NCOR2: variants seen among roughly 807,000 people sequenced by gnomAD.
NCOR2 encodes the protein CTG repeat protein 26.
Under a neutral mutation model 262.9 loss-of-function variants are expected in NCOR2, and 81 were observed. That is an observed-to-expected ratio of 0.31 (90% CI 0.26 to 0.37). NCOR2 has a LOEUF of 0.37. Ranked by LOEUF, NCOR2 falls within the 10% of genes least tolerant of loss-of-function variation. The probability of loss-of-function intolerance (pLI) is 1.00; values close to 1 mark genes in which losing one functional copy is unlikely to be tolerated. For missense variants in NCOR2, 3,385 were observed against 3,621.4 expected, an observed-to-expected ratio of 0.93 and a Z score of 1.68; for synonymous variants, 1,659 against 1,559.3, an observed-to-expected ratio of 1.06 and a Z score of -1.51.
intron 20 of NCOR2, among the ~76,000 whole-genome samples, chr12:124,371,333 GT>G (rs1167375545): frequency 3.9e-5 from 6 of 152,082 alleles, no homozygotes; most frequent in Non-Finnish European, 7.4e-5. Flanking sequence ...GTAGAACTGT[GT>G]CCCCCCAGAG....
intron 26 of NCOR2, 23 bp downstream of exon 28, chr12:124,354,455 G>A: frequency 6.7e-7 from 1 of 1,483,092 alleles, no homozygotes; most frequent in South Asian, 1.3e-5. Context: ...GATGCTGGGG[G>A]CCCAGGGCAG....
chr12:124,390,263 C>T (rs1268035026), intron 16 of NCOR2, among the ~76,000 whole-genome samples: 2 of 152,188 alleles, frequency 1.3e-5, no homozygotes, highest in African/African-American at 4.8e-5. Context: ...GAATAAAATC[C>T]AAAGGCCCTA....
intron 18 of NCOR2, among the ~76,000 whole-genome samples, chr12:124,377,152 C>T (rs967162959): frequency 2.6e-5 from 4 of 152,216 alleles, no homozygotes; most frequent in South Asian, 4.1e-4. Flanking sequence ...GTGTGTTATC[C>T]GGAGCCCTGG....
At chr12:124,402,693 T>A (rs1013345230) in intron 13 of NCOR2, 132 bp from the exon 16 acceptor site, 3 of 1,476,208 alleles carry the variant, frequency 2.0e-6, no homozygotes, top group African/African-American at 2.8e-5. Context: ...CCAGAAGAGG[T>A]CATAAACAAC....
intron 31 of NCOR2, among the ~76,000 whole-genome samples, chr12:124,345,847 C>A (rs937357092): frequency 6.6e-6 from 1 of 152,212 alleles, no homozygotes; most frequent in Non-Finnish European, 1.5e-5. Context: ...AGCCCCACAG[C>A]CCCGTGGTGG....
chr12:124,341,895 G>C, exon 34 of NCOR2: 2 of 1,612,684 alleles, frequency 1.2e-6, no homozygotes, highest in Non-Finnish European at 1.7e-6. Flanking sequence ...ATATCAGCTC[G>C]CTGGGCCATG....
chr12:124,347,717 A>T, intron 30 of NCOR2, 108 bp downstream of exon 32: 2 of 1,098,938 alleles, frequency 1.8e-6, no homozygotes, highest in Non-Finnish European at 2.7e-6. Context: ...GCCTTTCTGC[A>T]TACTTGTCCT....
chr12:124,529,382 G>C (rs944511885), intron 1 of NCOR2, among the ~76,000 whole-genome samples: 1 of 151,964 alleles, frequency 6.6e-6, no homozygotes, highest in African/African-American at 2.4e-5. Flanking sequence ...GTTGAGGCAG[G>C]AGAATCGCTT....
exon 41 of NCOR2, chr12:124,334,576 C>G: frequency 4.2e-6 from 6 of 1,412,728 alleles, no homozygotes; most frequent in Non-Finnish European, 5.5e-6. Context: ...GTGCGCTGAG[C>G]TGCTGTGGGT....
chr12:124,348,337 G>A (rs557555384), intron 28 of NCOR2, 23 bp from the exon 31 acceptor site: 14 of 1,586,966 alleles, frequency 8.8e-6, no homozygotes, highest in Middle Eastern at 1.7e-4. Flanking sequence ...CAAAGCACTC[G>A]GTGAGGAGCT....
At position 124,346,546 on chromosome 12, in the gene NCOR2, C is replaced by A. The variant is rs1281196197; in HGVS notation, c.4359+18G>T. ...CCCCTCCTAGAACTGGGCCCGTGTG[C>A]CTGGCCCTGGGCCATACCTGCGTGA... On this transcript the variant is annotated intron_variant, in intron 31 of 46. Coordinates refer to ENST00000405201, the Ensembl canonical transcript of NCOR2. 1 of 1,502,424 alleles carries A rather than the reference C, an allele frequency of 6.7e-7. No homozygotes were observed. The highest frequency in any genetic ancestry group is 8.8e-7 in the Non-Finnish European group (1 of 1,130,476). 93.1% of individuals were successfully genotyped at this position (1,502,424 alleles called of 1,614,324 possible). A position where few individuals can be genotyped will look rare whatever the true frequency, so the allele number is the denominator to read the frequency against.
chr12:124,489,406 CAG>C (rs2047955766), intron 1 of NCOR2, among the ~76,000 whole-genome samples: 1 of 152,270 alleles, frequency 6.6e-6, no homozygotes, highest in South Asian at 2.1e-4. Flanking sequence ...AACAGAGGCA[CAG>C]AGAGGGTAAG....
At chr12:124,391,504 G>A (rs1042926514) in intron 16 of NCOR2, among the ~76,000 whole-genome samples, 25 of 8,902 alleles carry the variant, frequency 2.8e-3, no homozygotes, top group South Asian at 0.034. Flanking sequence ...AGCCCTGGCG[G>A]GGGGGGGGTT....
At chr12:124,421,794 C>T (rs1307266501) in intron 12 of NCOR2, among the ~76,000 whole-genome samples, 1 of 152,240 alleles carries the variant, frequency 6.6e-6, no homozygotes, top group Non-Finnish European at 1.5e-5. Flanking sequence ...CATCCAGCCA[C>T]CTTCTCCCAC....
At chr12:124,437,762 G>A (rs2044441752) in intron 8 of NCOR2, among the ~76,000 whole-genome samples, 168 bp downstream of exon 10, 1 of 151,032 alleles carries the variant, frequency 6.6e-6, no homozygotes, top group African/African-American at 2.4e-5. Context: ...GGAAGCAGCT[G>A]TTGTCTTTCC....
chr12:124,516,276 C>T (rs2049770371), intron 1 of NCOR2, among the ~76,000 whole-genome samples: 1 of 152,176 alleles, frequency 6.6e-6, no homozygotes, highest in Admixed American at 6.5e-5. Flanking sequence ...AACTGGCCCT[C>T]CCGCGCCAGT....
chr12:124,332,355 T>G, exon 43 of NCOR2: 1 of 1,614,150 alleles, frequency 6.2e-7, no homozygotes, highest in Non-Finnish European at 8.5e-7. Flanking sequence ...GTGTTCAGCT[T>G]CTTGTTGATC....
chr12:124,526,028 A>T (rs573293215), intron 1 of NCOR2, among the ~76,000 whole-genome samples: 2 of 152,318 alleles, frequency 1.3e-5, no homozygotes, highest in East Asian at 3.9e-4. Context: ...GGATCAGGAA[A>T]TGTTAGCTTT....
chr12:124,449,873 A>C lies in NCOR2; in HGVS notation c.763-6T>G, dbSNP rs2045410581. ...GAGGGCTGGTTGTACAGCGGCTGCA[A>C]AGGGAGAGAGAGAAGCACATCAGAG... On this transcript the variant is annotated splice_region_variant and splice_polypyrimidine_tract_variant and intron_variant, in intron 6 of 46. Transcript: ENST00000405201. 2 of 1,613,764 alleles carry C rather than the reference A, an allele frequency of 1.2e-6. No individual in the cohort carries two copies. Among genetic ancestry groups the C allele is most frequent in the Non-Finnish European group, 1.7e-6 (2 of 1,179,840 alleles).
Sources: gnomAD v4.1 joint callset for allele counts (sites outside exome capture counted in the v4.1 genomes callset) on GRCh38, gnomAD v4.1.1 for gene constraint, MANE v1.5 for transcripts, NCBI Gene and HGNC (gene_info 2026-07-23, HGNC 2026-07-21) for gene names.